The following RALGPS2 variants were observed in gnomAD, a reference collection of about 807,000 sequenced individuals.
The protein encoded by RALGPS2 is Ral GEF with PH domain and SH3 binding motif 2.
Under a neutral mutation model 86.8 loss-of-function variants are expected in RALGPS2, and 43 were observed. The observed-to-expected ratio is 0.50, with a 90% CI of 0.39 to 0.64. The LOEUF (loss-of-function observed/expected upper bound fraction) is 0.64. Among genes scored for constraint, RALGPS2 ranks in the 30% least tolerant of loss-of-function variants. The pLI, the probability that RALGPS2 is intolerant of heterozygous loss-of-function variation, is 0.00. For synonymous variants in RALGPS2, 243 were observed against 231.3 expected (o/e 1.05, Z -0.46); for missense variants, 536 against 694.6 (o/e 0.77, Z 2.57).
intron 15 of RALGPS2, 68 bp from the exon 16 acceptor site, chr1:178,893,851 A>G (rs1245905944): frequency 1.0e-6 from 1 of 991,030 alleles, no homozygotes; most frequent in Non-Finnish European, 1.5e-6. Context: ...ATTACATTTT[A>G]TTTAAGTACC....
Position 178,811,332 on chromosome 1 carries a change from T to C in RALGPS2, c.315T>C (p.Val105=). Residue 105 remains valine, a synonymous_variant, in exon 6 of 20, where the codon GTT becomes GTC. Transcript: ENST00000367635. The stretch of plus-strand genomic sequence containing the variant: ...ATTTACAGGTAAGCTTTTGGGTTGT[T>C]AGAGAGATTCTTCATGCTCAAACAT... ...RRFNHVSFWV[V]REILHAQTLK... The C allele has an allele frequency of 6.5e-7, 1 of 1,549,782 alleles. No homozygotes were observed. The highest frequency in any genetic ancestry group is 8.6e-7 in the Non-Finnish European group (1 of 1,156,974).
chr1:178,861,139 T>C (rs1264190595), intron 8 of RALGPS2, among the ~76,000 whole-genome samples: 1 of 152,176 alleles, frequency 6.6e-6, no homozygotes, highest in East Asian at 1.9e-4. Context: ...TAGAACCAGG[T>C]GTTCTTAATT....
intron 13 of RALGPS2, 81 bp from the exon 14 acceptor site, chr1:178,889,557 GTTAA>G (rs1659632827): frequency 1.4e-5 from 12 of 887,610 alleles, no homozygotes; most frequent in Admixed American, 1.9e-5. Context: ...TATGAGCATA[GTTAA>G]TTAATTTATT....
At chr1:178,854,082 T>C (rs1657368985) in intron 8 of RALGPS2, among the ~76,000 whole-genome samples, 1 of 152,142 alleles carries the variant, frequency 6.6e-6, no homozygotes, top group Admixed American at 6.6e-5. Flanking sequence ...GCAGCTATAG[T>C]CTCCATTCTA....
chr1:178,797,286 GAGAT>G (rs1027367661), intron 4 of RALGPS2, among the ~76,000 whole-genome samples: 4 of 152,042 alleles, frequency 2.6e-5, no homozygotes, highest in Non-Finnish European at 4.4e-5. Context: ...GAAACAGAAA[GAGAT>G]AGAGACAAAG....
In RALGPS2 at chr1:178,813,587, G is replaced by A. The variant is rs376257025; in HGVS notation, c.387+2183G>A. 3.9e-5 allele frequency among the ~76,000 whole-genome samples: 6 copies of A among 152,218 alleles called. No homozygotes were observed. The South Asian group carries it at 8.3e-4, about 21-fold the overall frequency. On this transcript the variant is annotated intron_variant, in intron 6 of 19. Transcript: ENST00000367635. ...CAGCATTCTCCAGAGAGATAGAACC[G>A]TAGCATTCTGTATAAACATGTATAA...
intron 12 of RALGPS2, chr1:178,885,496 TAA>T: frequency 3.7e-6 from 1 of 270,152 alleles, no homozygotes; most frequent in Non-Finnish European, 6.8e-6. Context: ...TATACCTTTT[TAA>T]AAGAGTTACA....
At chr1:178,764,668 C>T (rs1398284103) in intron 1 of RALGPS2, among the ~76,000 whole-genome samples, 1 of 152,276 alleles carries the variant, frequency 6.6e-6, no homozygotes. Flanking sequence ...TAATGAAATC[C>T]CTTAGCATTT....
rs1255581466 is a variant in RALGPS2, at chr1:178,808,104, T to C, written c.273T>C (p.Val91=). The change falls in exon 5 of 20, where the codon GTT becomes GTC. Residue 91 remains valine (V), a synonymous_variant. Coordinates refer to ENST00000367635, the MANE Select transcript of RALGPS2 (RefSeq NM_152663.5). The part of the protein sequence containing the change: ...KEKYSSAPNA[V]AFTRRFNHVS... ...AATATAGTTCTGCACCAAATGCAGTTGCCTTCACAAGAAGATTCAATCATG... is the reference window on the plus strand; with the variant it reads ...AATATAGTTCTGCACCAAATGCAGTCGCCTTCACAAGAAGATTCAATCATG... 1 of 1,609,196 alleles carries C rather than the reference T, an allele frequency of 6.2e-7. No homozygotes were observed. Among genetic ancestry groups the C allele is most frequent in the African/African-American group, 1.3e-5 (1 of 74,820 alleles).
At chr1:178,752,222 A>G (rs1651717960) in intron 1 of RALGPS2, among the ~76,000 whole-genome samples, 1 of 149,584 alleles carries the variant, frequency 6.7e-6, no homozygotes, top group South Asian at 2.1e-4. Flanking sequence ...TGCAGCCTTG[A>G]CCTCCCAAGC....
Position 178,748,517 on chromosome 1 carries a change from A to G in RALGPS2, c.-84+23098A>G, listed in dbSNP as rs12133516. 6.0e-3 allele frequency among the ~76,000 whole-genome samples: 917 copies of G among 152,294 alleles called. 5 individuals are homozygous for G. The highest frequency in any genetic ancestry group is 9.2e-3 in the Non-Finnish European group (625 of 68,018). ...AATGAACTATTTATTGATAGTCACA[A>G]CAACAGGGATGAGGTCTCAAAATAA... On this transcript the variant is annotated intron_variant, in intron 1 of 19. Transcript: ENST00000367635.
chr1:178,888,296 A>G (rs932464139), intron 13 of RALGPS2, among the ~76,000 whole-genome samples: 3 of 152,168 alleles, frequency 2.0e-5, no homozygotes, highest in African/African-American at 7.2e-5. Flanking sequence ...GAATAAGTCT[A>G]TTACCATAAG....
chr1:178,783,207 CGAA>C (rs1653479628), intron 2 of RALGPS2, among the ~76,000 whole-genome samples: 10 of 151,930 alleles, frequency 6.6e-5, no homozygotes, highest in Admixed American at 6.6e-4. Context: ...GTGACAAAAA[CGAA>C]GAATGCCTTT....
intron 7 of RALGPS2, among the ~76,000 whole-genome samples, chr1:178,822,386 A>G (rs1390808307): frequency 2.6e-5 from 4 of 151,976 alleles, no homozygotes; most frequent in African/African-American, 7.2e-5. Context: ...TTTATATTCA[A>G]TACTATTCTT....
At chr1:178,772,714 A>G (rs528037771) in intron 1 of RALGPS2, among the ~76,000 whole-genome samples, 3 of 152,348 alleles carry the variant, frequency 2.0e-5, no homozygotes, top group Non-Finnish European at 4.4e-5. Flanking sequence ...AAATGTGACA[A>G]AATTATATTT....
chr1:178,746,240 C>T (rs543069968), intron 1 of RALGPS2, among the ~76,000 whole-genome samples: 1 of 152,176 alleles, frequency 6.6e-6, no homozygotes, highest in East Asian at 1.9e-4. Flanking sequence ...CTCTCAACAC[C>T]AACAATCCAA....
chr1:178,865,667 G>T, intron 8 of RALGPS2: 4 of 1,613,988 alleles, frequency 2.5e-6, no homozygotes, highest in Non-Finnish European at 3.4e-6. Flanking sequence ...TGTGGCACGA[G>T]GGTATCTTCT....
At chr1:178,815,188 C>G (rs1262025926) in intron 6 of RALGPS2, among the ~76,000 whole-genome samples, 2 of 152,134 alleles carry the variant, frequency 1.3e-5, no homozygotes, top group African/African-American at 4.8e-5. Context: ...TCATGTGATT[C>G]TCCTGCCTCA....
intron 8 of RALGPS2, among the ~76,000 whole-genome samples, chr1:178,843,654 T>TAAA (rs564673535): frequency 3.5e-5 from 4 of 115,344 alleles, no homozygotes; most frequent in African/African-American, 1.2e-4. Context: ...AAAGTATAAT[T>TAAA]AAAAAAAAAA....
Sources: allele counts gnomAD v4.1 joint callset (sites outside exome capture counted in the v4.1 genomes callset), GRCh38; gene constraint gnomAD v4.1.1; transcripts MANE v1.5; gene names NCBI Gene and HGNC (gene_info 2026-07-23, HGNC 2026-07-21).